FAT3: variants seen among roughly 807,000 people sequenced by gnomAD.
FAT3 encodes protocadherin Fat 3.
FAT3 carries 95 observed loss-of-function variants against 310.2 expected under a neutral mutation model. That is an observed-to-expected ratio of 0.31 (90% CI 0.26 to 0.36). The LOEUF is 0.36. FAT3 is among the 10% of genes least tolerant of loss of function. The pLI, the probability that FAT3 is intolerant of heterozygous loss-of-function variation, is 1.00. For missense variants in FAT3, 5,408 were observed against 5,715.6 expected, an observed-to-expected ratio of 0.95 and a Z score of 1.74; for synonymous variants, 2,314 against 2,192.9, an observed-to-expected ratio of 1.06 and a Z score of -1.54.
intron 1 of FAT3, among the ~76,000 whole-genome samples, chr11:92,288,694 T>G (rs563548476): frequency 2.8e-4 from 43 of 152,172 alleles, no homozygotes; most frequent in Non-Finnish European, 4.7e-4. Context: ...TTCCCTCCCC[T>G]ACTCCTAAAT....
chr11:92,564,103 A>G (rs2135479613), intron 3 of FAT3, among the ~76,000 whole-genome samples: 1 of 152,362 alleles, frequency 6.6e-6, no homozygotes, highest in East Asian at 1.9e-4. Flanking sequence ...AGTTGGATAA[A>G]GAGTCAAGAC....
rs116019855 is a variant in FAT3, at chr11:92,299,719, A to G, written c.-17-52377A>G. On this transcript the variant is annotated intron_variant, in intron 1 of 27. Transcript: ENST00000525166. The stretch of plus-strand genomic sequence containing the variant: ...TCTTAAAAAGCACTGTAATTAATAT[A>G]TGTCTCTTCAGTGAAGGAAACAAAA... 1.5e-3 allele frequency among the ~76,000 whole-genome samples: 230 copies of G among 152,264 alleles called. 1 individual carries two copies. The highest frequency in any genetic ancestry group is 3.4e-3 in the Middle Eastern group (1 of 294).
intron 1 of FAT3, among the ~76,000 whole-genome samples, chr11:92,231,168 C>T (rs1295019052): frequency 1.3e-5 from 2 of 152,332 alleles, no homozygotes; most frequent in South Asian, 2.1e-4. Context: ...AGCCTGCATG[C>T]AGGTGCACAT....
At chr11:92,299,897 T>A (rs892992071) in intron 1 of FAT3, among the ~76,000 whole-genome samples, 1 of 152,106 alleles carries the variant, frequency 6.6e-6, no homozygotes, top group Non-Finnish European at 1.5e-5. Flanking sequence ...ATGGCCCCCA[T>A]AGCTCCAGAA....
intron 3 of FAT3, among the ~76,000 whole-genome samples, chr11:92,535,028 T>C (rs1487578337): frequency 6.6e-6 from 1 of 151,738 alleles, no homozygotes; most frequent in Non-Finnish European, 1.5e-5. Context: ...TGTGTAACAT[T>C]CCTTCCCTCT....
rs386374501 is a variant in FAT3, at chr11:92,559,383, CTTTTTTTTTT to C, written c.3607+34445_3607+34454del. 54 of 144,006 alleles carry C rather than the reference CTTTTTTTTTT, an allele frequency of 3.7e-4. No individual in the cohort carries two copies. In the East Asian group the frequency reaches 4.0e-3, roughly 11 times the overall value. The allele number at this position is 144,006 out of a possible 1,614,324, so 8.9% of individuals were successfully genotyped here. A position where few individuals can be genotyped will look rare whatever the true frequency, so the allele number is the denominator to read the frequency against. ...GCTGGGTGATTGTTTACTTATTTTC[CTTTTTTTTTT>C]TTTTTTTTTGAAACAGGGTCTTGCT... On this transcript the variant is annotated intron_variant, in intron 3 of 27. Transcript: ENST00000525166.
At chr11:92,473,484 A>G (rs2135159451) in intron 2 of FAT3, among the ~76,000 whole-genome samples, 1 of 152,226 alleles carries the variant, frequency 6.6e-6, no homozygotes, top group Non-Finnish European at 1.5e-5. Context: ...ATCATCATTG[A>G]GAGTATTTGG....
chr11:92,421,369 G>T (rs907219457), intron 2 of FAT3, among the ~76,000 whole-genome samples: 3 of 152,158 alleles, frequency 2.0e-5, no homozygotes, highest in African/African-American at 7.2e-5. Context: ...AATTAGAGAA[G>T]ATGTCTGGTT....
chr11:92,350,921 G>T (rs1468413220), intron 1 of FAT3, among the ~76,000 whole-genome samples: 1 of 152,048 alleles, frequency 6.6e-6, no homozygotes, highest in Non-Finnish European at 1.5e-5. Context: ...ACTCATATTT[G>T]GGGGTTCTAA....
At chr11:92,299,405 T>C (rs1469267398) in intron 1 of FAT3, among the ~76,000 whole-genome samples, 1 of 152,096 alleles carries the variant, frequency 6.6e-6, no homozygotes, top group Non-Finnish European at 1.5e-5. Flanking sequence ...TTAGTCTAGA[T>C]AATAGGTGCA....
chr11:92,650,065 A>C (rs1454321290), intron 3 of FAT3, among the ~76,000 whole-genome samples: 2 of 151,902 alleles, frequency 1.3e-5, no homozygotes, highest in East Asian at 1.9e-4. Context: ...AGAGTTATAA[A>C]ACATTAGAGA....
Position 92,801,252 on chromosome 11 carries a change from C to T in FAT3, c.8239C>T (p.Arg2747Trp), listed in dbSNP as rs200763217. 1.4e-4 allele frequency: 229 copies of T among 1,613,716 alleles called. 1 individual carries two copies. The highest frequency in any genetic ancestry group is 8.8e-4 in the African/African-American group (66 of 74,986). The change falls in exon 10 of 28, where the codon CGG becomes TGG. Residue 2747 changes from arginine to tryptophan, a missense_variant. This residue lies in a region of FAT3 where 4,588 missense variants were observed against 4,809.8 expected (regional missense o/e 0.95). Coordinates refer to ENST00000525166, the MANE Select transcript of FAT3 (RefSeq NM_001367949.2). ...NVWFSTVNGE[R>W]PENNKGGIFV... Reference sequence around the variant, plus strand: ...CTGGTTCAGCACAGTTAATGGGGAACGGCCAGAAAATAACAAAGGGGGCAT... The same window carrying T: ...CTGGTTCAGCACAGTTAATGGGGAATGGCCAGAAAATAACAAAGGGGGCAT...
chr11:92,833,383 C>T (rs530698103), intron 14 of FAT3, among the ~76,000 whole-genome samples: 46 of 152,182 alleles, frequency 3.0e-4, no homozygotes, highest in African/African-American at 1.1e-3. Context: ...TTGGGTAGTC[C>T]AGTAAATATA....
At chr11:92,872,614 T>C (rs1032767098) in intron 22 of FAT3, among the ~76,000 whole-genome samples, 4 of 152,196 alleles carry the variant, frequency 2.6e-5, no homozygotes, top group Non-Finnish European at 5.9e-5. Flanking sequence ...AACCCTAAAG[T>C]AGGTTATGTG....
intron 2 of FAT3, among the ~76,000 whole-genome samples, chr11:92,396,659 C>T (rs553152976): frequency 6.6e-6 from 1 of 152,312 alleles, no homozygotes; most frequent in Admixed American, 6.5e-5. Context: ...TCATACCGTT[C>T]TTAGTAACAG....
chr11:92,894,752 G>A lies in FAT3; in HGVS notation c.*3639G>A, dbSNP rs564903786. On this transcript the variant is annotated 3_prime_UTR_variant, in exon 28 of 28. Coordinates refer to ENST00000525166, the MANE Select transcript of FAT3 (RefSeq NM_001367949.2). ...CATGAAATGCCATATAAAAGACTTA[G>A]GAACATGAGTAGGTGGTCCATGCTT... 26 of 152,284 alleles carry A rather than the reference G, an allele frequency of 1.7e-4. No homozygotes were observed. The highest frequency in any genetic ancestry group is 6.3e-4 in the African/African-American group (26 of 41,566). The allele number at this position is 152,284 out of a possible 1,614,324, so 9.4% of individuals were successfully genotyped here. A position where few individuals can be genotyped will look rare whatever the true frequency, so the allele number is the denominator to read the frequency against.
chr11:92,889,278 C>A, intron 26 of FAT3, 30 bp downstream of exon 26: 1 of 687,716 alleles, frequency 1.5e-6, no homozygotes, highest in East Asian at 2.8e-5. Flanking sequence ...CATAGCATTT[C>A]TTGAAATTTT....
intron 1 of FAT3, among the ~76,000 whole-genome samples, chr11:92,248,542 T>A (rs1297130333): frequency 1.3e-5 from 2 of 152,074 alleles, no homozygotes; most frequent in Non-Finnish European, 2.9e-5. Flanking sequence ...GCAGAAAAAT[T>A]TACCCTGTAC....
intron 3 of FAT3, among the ~76,000 whole-genome samples, chr11:92,652,660 G>A (rs760108978): frequency 4.6e-5 from 7 of 152,172 alleles, no homozygotes; most frequent in East Asian, 1.9e-4. Context: ...AGAAACCGGC[G>A]AATGGGAGGA....
Sources: gnomAD v4.1 joint callset for allele counts (sites outside exome capture counted in the v4.1 genomes callset) on GRCh38, gnomAD v4.1.1 for gene constraint, gnomAD v4.1.1 regional missense constraint, MANE v1.5 for transcripts, NCBI Gene and HGNC (gene_info 2026-07-23, HGNC 2026-07-21) for gene names.